The following KIF7 variants were observed in gnomAD, a reference collection of about 807,000 sequenced individuals.
The protein encoded by KIF7 is kinesin-like protein KIF7.
KIF7 carries 104 observed loss-of-function variants against 135.7 expected under a neutral mutation model. The observed-to-expected ratio is 0.77, with a 90% CI of 0.65 to 0.90. The LOEUF is 0.90. Ranked by LOEUF, KIF7 falls within the 40% of genes least tolerant of loss-of-function variation. The pLI, the probability that KIF7 is intolerant of heterozygous loss-of-function variation, is 0.00. For missense variants in KIF7, 2,005 were observed against 1,839.1 expected, an observed-to-expected ratio of 1.09 and a Z score of -1.65; for synonymous variants, 883 against 809.4, an observed-to-expected ratio of 1.09 and a Z score of -1.54.
chr15:89,659,466 A>G (rs968246961), upstream of KIF7, among the ~76,000 whole-genome samples: 3 of 150,642 alleles, frequency 2.0e-5, no homozygotes, highest in Admixed American at 1.3e-4. Context: ...AAAGAAAGAA[A>G]AAAGAAAGAA....
Position 89,628,637 on chromosome 15 carries a change from G to C in KIF7, c.3814C>G (p.Pro1272Ala). Residue 1272 changes from proline (P) to alanine (A), a missense_variant, in exon 19 of 19, where the codon CCG (proline) becomes GCG (alanine). Coordinates refer to ENST00000394412, the MANE Select transcript of KIF7 (RefSeq NM_198525.3). The part of the protein sequence containing the change: ...REETRDLVHA[P>A]LPLTWKRSSL... ...GAGCGTTTCCAGGTCAAGGGTAACG[G>C]AGCGTGGACCAAGTCCCGCGTCTCC... 1 of 1,613,226 alleles carries C rather than the reference G, an allele frequency of 6.2e-7. No individual in the cohort carries two copies. Among genetic ancestry groups the C allele is most frequent in the Non-Finnish European group, 8.5e-7 (1 of 1,179,976 alleles).
At chr15:89,621,020 CTTGT>C (rs991540846) in intron 1 of KIF7, among the ~76,000 whole-genome samples, 7 of 132,192 alleles carry the variant, frequency 5.3e-5, no homozygotes, top group Admixed American at 1.5e-4. Context: ...TGCGCCCGGC[CTTGT>C]TTGTTTGTTT....
Position 89,628,321 on chromosome 15 carries a change from G to T in KIF7, c.*98C>A. ...GTACAGATGAGGGCCTGGATTTAGG[G>T]TGTGCGGTAAGGACTGCCCTTCACA... On this transcript the variant is annotated 3_prime_UTR_variant, in exon 19 of 19. Coordinates refer to ENST00000394412, the MANE Select transcript of KIF7 (RefSeq NM_198525.3). 6.9e-7 allele frequency: 1 copy of T among 1,458,162 alleles called. No homozygotes were observed. Among genetic ancestry groups the T allele is most frequent in the Non-Finnish European group, 9.2e-7 (1 of 1,082,476 alleles). The allele number at this position is 1,458,162 out of a possible 1,614,324, so 90.3% of individuals were successfully genotyped here. A position where few individuals can be genotyped will look rare whatever the true frequency, so the allele number is the denominator to read the frequency against.
rs754341930 is a variant in KIF7 at position 89,628,640 on chromosome 15, C to T, written c.3811G>A (p.Ala1271Thr). 4.3e-5 allele frequency: 69 copies of T among 1,613,124 alleles called. No individual in the cohort carries two copies. Among genetic ancestry groups the T allele is most frequent in the South Asian group, 5.5e-5 (5 of 91,090 alleles). ...CGTTTCCAGGTCAAGGGTAACGGAGCGTGGACCAAGTCCCGCGTCTCCTCC... is the reference window on the plus strand; with the variant it reads ...CGTTTCCAGGTCAAGGGTAACGGAGTGTGGACCAAGTCCCGCGTCTCCTCC... ...TREETRDLVH[A>T]PLPLTWKRSS... Residue 1271 changes from alanine to threonine, a missense_variant, in exon 19 of 19, where the codon GCT becomes ACT. Coordinates refer to ENST00000394412, the MANE Select transcript of KIF7 (RefSeq NM_198525.3).
downstream of KIF7, chr15:89,623,934 A>C: frequency 6.2e-7 from 1 of 1,614,064 alleles, no homozygotes; most frequent in Non-Finnish European, 8.5e-7. Context: ...GGTTTTTGCC[A>C]AACTGTACTT....
intron 11 of KIF7, among the ~76,000 whole-genome samples, chr15:89,641,242 G>A (rs781733418): frequency 9.2e-5 from 14 of 152,036 alleles, no homozygotes; most frequent in East Asian, 1.9e-4. Context: ...GGGAAAGGCC[G>A]TGTCAAGACA....
At chr15:89,655,074 C>T (rs1362561440) in intron 1 of KIF7, among the ~76,000 whole-genome samples, 2 of 152,154 alleles carry the variant, frequency 1.3e-5, no homozygotes, top group African/African-American at 2.4e-5. Flanking sequence ...CTGGAGGCGG[C>T]GGGCGCGGGA....
At chr15:89,624,242 T>C (rs773227793), downstream of KIF7, 4 of 1,614,204 alleles carry the variant, frequency 2.5e-6, no homozygotes, top group African/African-American at 1.3e-5. Context: ...CCAAAGAAAC[T>C]GTTTACCTCT....
At chr15:89,642,812 A>C (rs1364537684) in intron 10 of KIF7, among the ~76,000 whole-genome samples, 1 of 152,030 alleles carries the variant, frequency 6.6e-6, no homozygotes, top group Non-Finnish European at 1.5e-5. Context: ...CTGGTGATCC[A>C]CCCACCTTGG....
chr15:89,653,783 A>C (rs1964163160), intron 1 of KIF7, among the ~76,000 whole-genome samples: 2 of 121,004 alleles, frequency 1.7e-5, no homozygotes, highest in African/African-American at 3.1e-5. Context: ...TATTAGTATT[A>C]GTATTTTGTA....
intron 1 of KIF7, among the ~76,000 whole-genome samples, chr15:89,654,833 T>A (rs1964182725): frequency 6.6e-6 from 1 of 152,218 alleles, no homozygotes; most frequent in Non-Finnish European, 1.5e-5. Context: ...CACAGTAACC[T>A]TTCGTTAATT....
chr15:89,644,674 ACT>A (rs1414094995), intron 10 of KIF7, among the ~76,000 whole-genome samples: 4 of 152,022 alleles, frequency 2.6e-5, no homozygotes, highest in Non-Finnish European at 4.4e-5. Context: ...GACGAGTGAA[ACT>A]CTTTCTCAAA....
intron 11 of KIF7, among the ~76,000 whole-genome samples, chr15:89,635,050 C>T (rs1283988507): frequency 2.6e-5 from 4 of 152,090 alleles, no homozygotes; most frequent in African/African-American, 9.7e-5. Flanking sequence ...CTGGGAGGCA[C>T]CCCCCAGCAG....
intron 14 of KIF7, among the ~76,000 whole-genome samples, chr15:89,632,301 C>T (rs1459111116): frequency 6.6e-6 from 1 of 152,222 alleles, no homozygotes; most frequent in African/African-American, 2.4e-5. Context: ...ATGATCCCAT[C>T]TGACAGAAGA....
chr15:89,651,406 G>A (rs1425353321), intron 2 of KIF7, among the ~76,000 whole-genome samples: 1 of 151,908 alleles, frequency 6.6e-6, no homozygotes, highest in African/African-American at 2.4e-5. Flanking sequence ...CTCAGTTTTT[G>A]TATTTTTAGT....
chr15:89,631,618 G>A lies in KIF7; in HGVS notation c.2988C>T (p.Ser996=), dbSNP rs535807214. Residue 996 remains serine (S), a synonymous_variant, in exon 15 of 19, where the codon AGC becomes AGT. Transcript: ENST00000394412. ...CGCGGATCTGCTGCTGGCTCTGGGC[G>A]CTGCCCTGCCGCAGCTGCCCGCTCT... ...SEKSGQLRQG[S]AQSQQQIRGE... is the part of the protein sequence containing the mutation. The A allele has an allele frequency of 9.7e-5, 152 of 1,560,966 alleles. No homozygotes were observed. The highest frequency in any genetic ancestry group is 9.6e-4 in the South Asian group (82 of 85,124).
rs146445830 is a variant in KIF7 at position 89,646,356 on chromosome 15, C to T, written c.1789-330G>A. Among the ~76,000 whole-genome samples the T allele has an allele frequency of 2.4e-3, 368 of 152,276 alleles. 1 individual carries two copies. The highest frequency in any genetic ancestry group is 8.4e-3 in the African/African-American group (348 of 41,540). On this transcript the variant is annotated intron_variant, in intron 7 of 18. Coordinates refer to ENST00000394412, the MANE Select transcript of KIF7 (RefSeq NM_198525.3). Reference sequence around the variant, plus strand: ...TGGGTGAACATGAGACTTCTGCCAACCCCCAGCTTTGAGAGCTGAGATGAC... The same window carrying T: ...TGGGTGAACATGAGACTTCTGCCAATCCCCAGCTTTGAGAGCTGAGATGAC...
intron 15 of KIF7, chr15:89,630,711 C>A: frequency 3.3e-6 from 2 of 603,030 alleles, no homozygotes; most frequent in South Asian, 1.9e-5. Flanking sequence ...GCCTGCTCAA[C>A]TGCAAGCCTC....
chr15:89,659,360 C>A (rs1005260116), upstream of KIF7, among the ~76,000 whole-genome samples: 2 of 149,912 alleles, frequency 1.3e-5, no homozygotes, highest in African/African-American at 4.9e-5. Context: ...ATTGATTAAA[C>A]CATTCATTCT....
Sources: gnomAD v4.1 joint callset for allele counts (sites outside exome capture counted in the v4.1 genomes callset) on GRCh38, gnomAD v4.1.1 for gene constraint, MANE v1.5 for transcripts, NCBI Gene and HGNC (gene_info 2026-07-23, HGNC 2026-07-21) for gene names.